The following MAML2 variants were observed in gnomAD, a reference collection of about 807,000 sequenced individuals.
MAML2 encodes the protein mastermind like transcriptional coactivator 2.
MAML2 carries 22 observed loss-of-function variants against 96.1 expected under a neutral mutation model. The observed-to-expected ratio is 0.23, with a 90% CI of 0.16 to 0.33. The LOEUF is 0.33. Ranked by LOEUF, MAML2 falls within the 10% of genes least tolerant of loss-of-function variation. The pLI is 1.00. For synonymous variants in MAML2, 561 were observed against 521.3 expected (o/e 1.08, Z -1.04); for missense variants, 1,367 against 1,392.4 (o/e 0.98, Z 0.29).
intron 2 of MAML2, among the ~76,000 whole-genome samples, chr11:96,029,430 C>A (rs1226374896): frequency 2.0e-5 from 3 of 152,076 alleles, no homozygotes; most frequent in Non-Finnish European, 4.4e-5. Flanking sequence ...TAGTTGTTTG[C>A]CGTCTCAAAG....
chr11:96,105,101 T>C (rs1353989965), intron 1 of MAML2, among the ~76,000 whole-genome samples: 2 of 152,388 alleles, frequency 1.3e-5, no homozygotes, highest in Admixed American at 1.3e-4. Flanking sequence ...ATATTTTTCT[T>C]GATTAATTAA....
At chr11:96,209,636 T>A (rs984164077) in intron 1 of MAML2, among the ~76,000 whole-genome samples, 1 of 151,794 alleles carries the variant, frequency 6.6e-6, no homozygotes, top group Non-Finnish European at 1.5e-5. Context: ...AAAAAATAAT[T>A]GTATTCTTTA....
chr11:95,987,868 G>A (rs1857851261), intron 3 of MAML2, among the ~76,000 whole-genome samples: 1 of 152,156 alleles, frequency 6.6e-6, no homozygotes, highest in Non-Finnish European at 1.5e-5. Flanking sequence ...TACAAATTAA[G>A]GGAAAAAGTG....
intron 1 of MAML2, among the ~76,000 whole-genome samples, chr11:96,164,073 A>G (rs1861155713): frequency 6.6e-6 from 1 of 151,340 alleles, no homozygotes; most frequent in Admixed American, 6.6e-5. Context: ...TGGGGATTTC[A>G]CCATGTTGGC....
intron 1 of MAML2, among the ~76,000 whole-genome samples, chr11:96,134,895 C>G (rs1476724782): frequency 6.6e-6 from 1 of 152,198 alleles, no homozygotes. Context: ...ATGTGTAGGG[C>G]ATTACATCCA....
intron 1 of MAML2, among the ~76,000 whole-genome samples, chr11:96,099,652 T>C (rs986639571): frequency 7.2e-5 from 11 of 152,180 alleles, no homozygotes; most frequent in African/African-American, 2.2e-4. Flanking sequence ...GGGATCCTTC[T>C]AACTATTGAG....
chr11:96,341,815 T>G lies in MAML2; in HGVS notation c.81A>C (p.Ser27=). 3 of 1,597,408 alleles carry G rather than the reference T, an allele frequency of 1.9e-6. No individual in the cohort carries two copies. The highest frequency in any genetic ancestry group is 2.6e-6 in the Non-Finnish European group (3 of 1,174,714). Residue 27 remains serine (S), a synonymous_variant, in exon 1 of 5, where the codon TCA becomes TCC. Transcript: ENST00000524717. ...ASGAGLLGGG[S]VTPRVHSAIV... is the part of the protein sequence containing the mutation. ...TAGCACTGTGCACTCTCGGGGTGAC[T>G]GAGCCCCCTCCAAGGAGCCCCGCCC...
chr11:96,162,260 TA>T (rs1861117709), intron 1 of MAML2, among the ~76,000 whole-genome samples: 1 of 150,924 alleles, frequency 6.6e-6, no homozygotes, highest in South Asian at 2.1e-4. Flanking sequence ...TTTTTTTTTT[TA>T]ATTCATAAGA....
chr11:96,056,009 G>A (rs1352331879), intron 2 of MAML2, among the ~76,000 whole-genome samples: 1 of 151,978 alleles, frequency 6.6e-6, no homozygotes, highest in African/African-American at 2.4e-5. Flanking sequence ...TATTTGTCAG[G>A]GATCAATGTG....
At chr11:96,069,295 T>C (rs977533550) in intron 2 of MAML2, among the ~76,000 whole-genome samples, 2 of 152,116 alleles carry the variant, frequency 1.3e-5, no homozygotes, top group African/African-American at 4.8e-5. Context: ...TTCTTTGTCT[T>C]TATCCTTCTT....
intron 3 of MAML2, among the ~76,000 whole-genome samples, chr11:95,986,347 G>A (rs373835843): frequency 7.0e-4 from 106 of 151,890 alleles, no homozygotes; most frequent in Non-Finnish European, 1.2e-3. Flanking sequence ...ACAGGTGCCC[G>A]CCATCACGCC....
chr11:96,107,056 T>G (rs79390113), intron 1 of MAML2, among the ~76,000 whole-genome samples: 3,370 of 135,536 alleles, frequency 0.025, 124 homozygotes, highest in African/African-American at 0.085. Flanking sequence ...CAGAGCCTAA[T>G]TCTGATCACT....
chr11:96,275,106 G>A (rs1862969186), intron 1 of MAML2, among the ~76,000 whole-genome samples: 1 of 151,964 alleles, frequency 6.6e-6, no homozygotes, highest in Admixed American at 6.6e-5. Flanking sequence ...CCCTATGGGT[G>A]GACATTTAGG....
chr11:96,123,619 A>G (rs1044724606), intron 1 of MAML2, among the ~76,000 whole-genome samples: 2 of 152,240 alleles, frequency 1.3e-5, no homozygotes, highest in African/African-American at 4.8e-5. Flanking sequence ...AGGTTGCACC[A>G]GTTATTCAGA....
At chr11:96,195,450 T>C (rs571774884) in intron 1 of MAML2, among the ~76,000 whole-genome samples, 1 of 152,306 alleles carries the variant, frequency 6.6e-6, no homozygotes, top group South Asian at 2.1e-4. Flanking sequence ...GAGTTCTTCA[T>C]CCATCCAGAA....
chr11:96,247,061 G>A (rs115419411), intron 1 of MAML2, among the ~76,000 whole-genome samples: 10 of 152,148 alleles, frequency 6.6e-5, no homozygotes, highest in African/African-American at 1.9e-4. Context: ...GTGTGTTGCT[G>A]GAAACTGTCT....
intron 1 of MAML2, among the ~76,000 whole-genome samples, chr11:96,124,419 TAAG>T (rs1176052997): frequency 2.0e-5 from 3 of 152,208 alleles, no homozygotes; most frequent in South Asian, 2.1e-4. Context: ...GAGAACCACC[TAAG>T]AAGAAGAATA....
intron 1 of MAML2, among the ~76,000 whole-genome samples, chr11:96,282,477 G>A (rs117096123): frequency 6.6e-6 from 1 of 152,060 alleles, no homozygotes; most frequent in Non-Finnish European, 1.5e-5. Flanking sequence ...CACTCTCCAG[G>A]TCTTCAAAAT....
chr11:96,014,447 C>A (rs372216223), intron 2 of MAML2, among the ~76,000 whole-genome samples: 2 of 152,124 alleles, frequency 1.3e-5, no homozygotes, highest in African/African-American at 4.8e-5. Context: ...CTCCTGGAAT[C>A]AACATTTAAA....
Sources: allele counts gnomAD v4.1 joint callset (sites outside exome capture counted in the v4.1 genomes callset), GRCh38; gene constraint gnomAD v4.1.1; transcripts MANE v1.5; gene names NCBI Gene and HGNC (gene_info 2026-07-23, HGNC 2026-07-21).